POGZ: variants seen among roughly 807,000 people sequenced by gnomAD.
The protein encoded by POGZ is pogo transposable element with ZNF domain.
A neutral mutation model predicts 134.6 loss-of-function variants in POGZ; 17 were observed. The ratio of observed to expected loss-of-function variants is 0.13; its 90% CI spans 0.09 to 0.19. The LOEUF is 0.19. POGZ is among the 10% of genes least tolerant of loss of function. The pLI is 1.00. For synonymous variants in POGZ, 693 were observed against 657.1 expected (o/e 1.05, Z -0.84); for missense variants, 1,306 against 1,769.7 (o/e 0.74, Z 4.70).
At chr1:151,419,197 TAAAC>T (rs915654334) in intron 10 of POGZ, among the ~76,000 whole-genome samples, 22 of 151,312 alleles carry the variant, frequency 1.5e-4, no homozygotes, top group African/African-American at 4.1e-4. Context: ...CTACTAAAAA[TAAAC>T]AAACAAAAAA....
intron 1 of POGZ, among the ~76,000 whole-genome samples, chr1:151,449,468 C>T (rs924777550): frequency 1.3e-5 from 2 of 152,076 alleles, no homozygotes; most frequent in Non-Finnish European, 2.9e-5. Flanking sequence ...TGGAGATTAT[C>T]CGACCCTAAA....
rs758593366 is a variant in POGZ, at chr1:151,412,289, G to C, written c.1779+7C>G. 1.3e-5 allele frequency: 20 copies of C among 1,495,042 alleles called. No homozygotes were observed. The highest frequency in any genetic ancestry group is 1.9e-5 in the Non-Finnish European group (20 of 1,078,990). The allele number at this position is 1,495,042 out of a possible 1,614,324, so 92.6% of individuals were successfully genotyped here. A position where few individuals can be genotyped will look rare whatever the true frequency, so the allele number is the denominator to read the frequency against. On this transcript the variant is annotated splice_region_variant and intron_variant, in intron 11 of 18. Transcript: ENST00000271715. ...CTGCTAAAACTCCCTGGAGAAAAAG[G>C]CAATACCTGGCAAACATAAGGCATC... is the stretch of plus-strand genomic sequence containing the variant.
chr1:151,419,668 CAAAAAAAAAAAA>C (rs59593149), intron 10 of POGZ, among the ~76,000 whole-genome samples: 7 of 43,656 alleles, frequency 1.6e-4, no homozygotes, highest in Admixed American at 1.4e-3. Flanking sequence ...GACCCTGTCT[CAAAAAAAAAAAA>C]AAAAAAAAAA....
chr1:151,410,655 A>C (rs1448809116), intron 12 of POGZ, among the ~76,000 whole-genome samples: 2 of 152,132 alleles, frequency 1.3e-5, no homozygotes, highest in Non-Finnish European at 2.9e-5. Context: ...CTGATTCCTA[A>C]ATCTTTTCTA....
intron 11 of POGZ, 128 bp downstream of exon 11, chr1:151,412,168 C>T: frequency 1.7e-6 from 1 of 585,968 alleles, no homozygotes; most frequent in African/African-American, 1.9e-5. Context: ...TTTACTATTT[C>T]TTCTGTACCT....
At position 151,406,567 on chromosome 1, in the gene POGZ, T is replaced by C. The variant is rs754376814; in HGVS notation, c.2570+40A>G. The C allele has an allele frequency of 8.1e-6, 13 of 1,601,826 alleles. No individual in the cohort carries two copies. The East Asian group carries it at 2.9e-4, about 36-fold the overall frequency. On this transcript the variant is annotated intron_variant, in intron 18 of 18. Transcript: ENST00000271715. ...AATAATAATAACAGAGTAAACACAC[T>C]GCAAACCAGAAATTAAATTGTGAGG...
chr1:151,432,402 C>T (rs969683162), intron 3 of POGZ, among the ~76,000 whole-genome samples: 5 of 152,186 alleles, frequency 3.3e-5, no homozygotes, highest in Non-Finnish European at 7.3e-5. Context: ...CTCTCAGAAA[C>T]TGAGAGCTCA....
At chr1:151,422,941 A>G (rs1657182228) in intron 10 of POGZ, among the ~76,000 whole-genome samples, 1 of 152,204 alleles carries the variant, frequency 6.6e-6, no homozygotes, top group Non-Finnish European at 1.5e-5. Context: ...TCCAGCCTAC[A>G]TGTATAAAAT....
Position 151,404,576 on chromosome 1 carries a change from A to G in POGZ, c.*226T>C, listed in dbSNP as rs570941251. ...AAAAACCTGTTTTTAGCAGAAGTGA[A>G]TGACCAATGGGCCAGCTCCTTGGCT... On this transcript the variant is annotated 3_prime_UTR_variant, in exon 19 of 19. Coordinates refer to ENST00000271715, the MANE Select transcript of POGZ (RefSeq NM_015100.4). The G allele has an allele frequency of 4.7e-5, 57 of 1,220,434 alleles. No individual in the cohort carries two copies. Among genetic ancestry groups the G allele is most frequent in the Non-Finnish European group, 5.7e-5 (56 of 979,334 alleles). The allele number at this position is 1,220,434 out of a possible 1,614,324, so 75.6% of individuals were successfully genotyped here.
chr1:151,408,319 TG>T, intron 14 of POGZ, 79 bp from the exon 15 acceptor site: 3 of 1,574,448 alleles, frequency 1.9e-6, no homozygotes. Context: ...CAACAAACCC[TG>T]CTAAAAAGCT....
intron 3 of POGZ, among the ~76,000 whole-genome samples, chr1:151,437,708 C>T (rs1007301829): frequency 6.6e-6 from 1 of 152,096 alleles, no homozygotes; most frequent in African/African-American, 2.4e-5. Context: ...GCCGAGACTG[C>T]GCCACTGCAC....
chr1:151,415,398 G>A (rs1655449138), intron 10 of POGZ, among the ~76,000 whole-genome samples: 1 of 152,144 alleles, frequency 6.6e-6, no homozygotes, highest in African/African-American at 2.4e-5. Context: ...GGGTGTGGTG[G>A]CTCACGCCTG....
chr1:151,423,344 A>G (rs533108247), intron 10 of POGZ, 53 bp downstream of exon 10: 63 of 1,471,422 alleles, frequency 4.3e-5, no homozygotes, highest in Middle Eastern at 3.5e-4. Flanking sequence ...GCGCCATTCA[A>G]TGAGTGAACA....
rs1653075858 is a variant in POGZ, at chr1:151,403,593, T to C, written c.*1209A>G. Reference sequence around the variant, plus strand: ...CCCTCATGCAAATTGTAGAAAAAATTTTCTTTCCTTGAAGCTGGCAGTGAA... The same window carrying C: ...CCCTCATGCAAATTGTAGAAAAAATCTTCTTTCCTTGAAGCTGGCAGTGAA... On this transcript the variant is annotated 3_prime_UTR_variant, in exon 19 of 19. Coordinates refer to ENST00000271715, the MANE Select transcript of POGZ (RefSeq NM_015100.4). 1.0e-6 allele frequency: 1 copy of C among 985,684 alleles called. No individual in the cohort carries two copies. The highest frequency in any genetic ancestry group is 1.2e-6 in the Non-Finnish European group (1 of 829,924). 61.1% of individuals were successfully genotyped at this position (985,684 alleles called of 1,614,324 possible).
chr1:151,406,960 C>A lies in POGZ; in HGVS notation c.2496G>T (p.Lys832Asn). ...FVTSVGDAMA[K>N]HLVFNPSHRS... ...TGTGAGAGGGGTTGAATACCAAATGCTTGGCCATAGCATCGCCCACAGAGG... is the reference window on the plus strand; with the variant it reads ...TGTGAGAGGGGTTGAATACCAAATGATTGGCCATAGCATCGCCCACAGAGG... Residue 832 changes from lysine (K) to asparagine (N), a missense_variant, in exon 17 of 19, where the codon AAG becomes AAT. Coordinates refer to ENST00000271715, the MANE Select transcript of POGZ (RefSeq NM_015100.4). 6.2e-7 allele frequency: 1 copy of A among 1,614,176 alleles called. No homozygotes were observed. Among genetic ancestry groups the A allele is most frequent in the Non-Finnish European group, 8.5e-7 (1 of 1,180,016 alleles).
chr1:151,420,988 C>T (rs1571414100), intron 10 of POGZ, among the ~76,000 whole-genome samples: 2 of 144,926 alleles, frequency 1.4e-5, no homozygotes, highest in African/African-American at 2.5e-5. Flanking sequence ...CGTGTTTTTT[C>T]ATATATATAT....
At chr1:151,452,955 T>C (rs1662315360) in intron 1 of POGZ, among the ~76,000 whole-genome samples, 1 of 151,642 alleles carries the variant, frequency 6.6e-6, no homozygotes. Flanking sequence ...CTTTTTGTGA[T>C]GGAGTCTCGC....
chr1:151,421,299 C>A (rs914926959), intron 10 of POGZ, among the ~76,000 whole-genome samples: 3 of 151,498 alleles, frequency 2.0e-5, no homozygotes, highest in Non-Finnish European at 4.4e-5. Context: ...AATCCCACTT[C>A]CCTTGCCAAT....
chr1:151,453,447 T>C (rs1395275495), intron 1 of POGZ, among the ~76,000 whole-genome samples: 1 of 152,054 alleles, frequency 6.6e-6, no homozygotes, highest in Non-Finnish European at 1.5e-5. Context: ...TCTTTTTTTA[T>C]TTTTATGCAT....
Sources: gnomAD v4.1 joint callset for allele counts (sites outside exome capture counted in the v4.1 genomes callset) on GRCh38, gnomAD v4.1.1 for gene constraint, MANE v1.5 for transcripts, NCBI Gene and HGNC (gene_info 2026-07-23, HGNC 2026-07-21) for gene names.